EML5: variants seen among roughly 807,000 people sequenced by gnomAD.
EML5 encodes the protein EMAP like 5.
EML5 carries 120 observed loss-of-function variants against 250.0 expected under a neutral mutation model. That is an observed-to-expected ratio of 0.48 (90% confidence interval 0.41 to 0.56). The LOEUF is 0.56. EML5 is among the 20% of genes least tolerant of loss of function. EML5 has a pLI of 0.00. For missense variants in EML5, 2,006 were observed against 2,437.6 expected (o/e 0.82, Z 3.73); for synonymous variants, 771 against 806.5 (o/e 0.96, Z 0.75).
intron 25 of EML5, among the ~76,000 whole-genome samples, 157 bp from the exon 26 acceptor site, chr14:88,658,545 G>T (rs1345882925): frequency 6.6e-6 from 1 of 151,926 alleles, no homozygotes; most frequent in Non-Finnish European, 1.5e-5. Context: ...CAGAATAAAA[G>T]ATACCAATTC....
chr14:88,756,189 C>G (rs923067780), intron 1 of EML5, among the ~76,000 whole-genome samples: 1 of 151,964 alleles, frequency 6.6e-6, no homozygotes, highest in African/African-American at 2.4e-5. Context: ...AGTGGGAATA[C>G]CAGGCTGGTT....
At chr14:88,728,208 T>TC (rs1164129685) in intron 7 of EML5, among the ~76,000 whole-genome samples, 1 of 149,910 alleles carries the variant, frequency 6.7e-6, no homozygotes, top group African/African-American at 2.4e-5. Flanking sequence ...GACTTTTTTT[T>TC]TTTGTCATTA....
At chr14:88,618,153 C>A in intron 41 of EML5, 75 bp downstream of exon 41, 1 of 1,278,924 alleles carries the variant, frequency 7.8e-7, no homozygotes, top group South Asian at 1.2e-5. Context: ...TGGAATGGCT[C>A]TAACAGTTCA....
At chr14:88,767,563 A>G (rs571871849) in intron 1 of EML5, among the ~76,000 whole-genome samples, 1 of 152,232 alleles carries the variant, frequency 6.6e-6, no homozygotes, top group East Asian at 1.9e-4. Context: ...ATATTGTTAC[A>G]CTGTAAGAGT....
In EML5 at chr14:88,689,756, A is replaced by G. The variant is rs116168560; in HGVS notation, c.2540-1283T>C. ...CTCCAAACAAAAAGAGAGAGAGAGA[A>G]AGAAAGAAAAAAGAAATATACATGC... On this transcript the variant is annotated intron_variant, in intron 17 of 43. Coordinates refer to ENST00000554922, the MANE Select transcript of EML5 (RefSeq NM_183387.3). Among the ~76,000 whole-genome samples, 820 of 152,218 alleles carry G rather than the reference A, an allele frequency of 5.4e-3. 8 individuals carry two copies. Among genetic ancestry groups the G allele is most frequent in the African/African-American group, 0.019 (779 of 41,524 alleles).
chr14:88,726,695 A>G lies in EML5; in HGVS notation c.1050-17T>C, dbSNP rs745342891. On this transcript the variant is annotated splice_polypyrimidine_tract_variant and intron_variant, in intron 7 of 43. Transcript: ENST00000554922. ...CTCCATATCCTGTAAAATTTAATTT[A>G]AAAAATAAAAAAGGTTAGCTAATGC... is the stretch of plus-strand genomic sequence containing the variant. 3.3e-6 allele frequency: 5 copies of G among 1,508,972 alleles called. No individual in the cohort carries two copies. Among genetic ancestry groups the G allele is most frequent in the Admixed American group, 2.2e-5 (1 of 45,112 alleles). The allele number at this position is 1,508,972 out of a possible 1,614,324, so 93.5% of individuals were successfully genotyped here.
chr14:88,738,661 C>T (rs537027586), intron 6 of EML5, among the ~76,000 whole-genome samples: 11 of 152,242 alleles, frequency 7.2e-5, no homozygotes, highest in African/African-American at 2.4e-4. Context: ...AGATATTAGA[C>T]TTATGAAAGA....
At chr14:88,701,674 T>C (rs1291974931) in intron 14 of EML5, among the ~76,000 whole-genome samples, 1 of 152,160 alleles carries the variant, frequency 6.6e-6, no homozygotes, top group Non-Finnish European at 1.5e-5. Context: ...GTTGATCCCT[T>C]TTCCACATAT....
intron 29 of EML5, 44 bp from the exon 30 acceptor site, chr14:88,644,555 G>A (rs1246310882): frequency 6.4e-7 from 1 of 1,565,630 alleles, no homozygotes; most frequent in East Asian, 2.2e-5. Flanking sequence ...GCAGCACTCA[G>A]TGCCTTCACT....
chr14:88,663,440 T>C (rs1331887407), intron 23 of EML5, among the ~76,000 whole-genome samples: 1 of 152,290 alleles, frequency 6.6e-6, no homozygotes, highest in East Asian at 1.9e-4. Context: ...AAAAACTTTA[T>C]GATGCTCAAT....
chr14:88,697,608 C>G (rs193002159), intron 14 of EML5, among the ~76,000 whole-genome samples: 83 of 152,176 alleles, frequency 5.5e-4, no homozygotes, highest in African/African-American at 2.0e-3. Flanking sequence ...TTAATTATTC[C>G]TCTAGACTCA....
chr14:88,736,161 C>G (rs1334259776), intron 7 of EML5, among the ~76,000 whole-genome samples: 1 of 151,946 alleles, frequency 6.6e-6, no homozygotes, highest in East Asian at 1.9e-4. Context: ...CCACCATGCC[C>G]AGCTAATTTT....
chr14:88,779,395 T>A (rs932047390), intron 1 of EML5, among the ~76,000 whole-genome samples: 1 of 152,230 alleles, frequency 6.6e-6, no homozygotes, highest in Non-Finnish European at 1.5e-5. Context: ...ATGAGACCTA[T>A]GGCTAATTAC....
chr14:88,740,384 T>C lies in EML5; in HGVS notation c.711+3A>G. On this transcript the variant is annotated splice_donor_region_variant and intron_variant, in intron 5 of 43. Transcript: ENST00000554922. ...AGTGTTTAAAATACTTAAATGTACT[T>C]ACAGCATGGGCTCCTTGTATTGTTC... 6.2e-7 allele frequency: 1 copy of C among 1,604,592 alleles called. No homozygotes were observed. The highest frequency in any genetic ancestry group is 2.2e-5 in the East Asian group (1 of 44,820).
chr14:88,744,269 G>T (rs1300377174), intron 3 of EML5, among the ~76,000 whole-genome samples, 178 bp from the exon 4 acceptor site: 1 of 151,850 alleles, frequency 6.6e-6, no homozygotes, highest in East Asian at 1.9e-4. Flanking sequence ...AAAATGATAA[G>T]AAATAAAAAG....
intron 33 of EML5, among the ~76,000 whole-genome samples, chr14:88,628,625 G>T (rs1386405727): frequency 6.6e-6 from 1 of 151,956 alleles, no homozygotes; most frequent in Non-Finnish European, 1.5e-5. Context: ...ATACTAAAGT[G>T]CATTTGCTTC....
At chr14:88,714,779 ATATAT>A (rs1472371323) in intron 9 of EML5, among the ~76,000 whole-genome samples, 155 bp downstream of exon 9, 1 of 152,160 alleles carries the variant, frequency 6.6e-6, no homozygotes, top group Non-Finnish European at 1.5e-5. Context: ...GAATACAATA[ATATAT>A]TGTATTATAT....
chr14:88,740,565 C>T lies in EML5; in HGVS notation c.533G>A (p.Ser178Asn). 6.2e-7 allele frequency: 1 copy of T among 1,605,830 alleles called. No individual in the cohort carries two copies. Among genetic ancestry groups the T allele is most frequent in the African/African-American group, 1.3e-5 (1 of 74,622 alleles). ...SCGVKHIKFW[S>N]LCGNALTPKR... ...TGGGGTCAGAGCATTTCCACATAAA[C>T]TCCAGAACTAAAAGGTATATAGTAT... The change falls in exon 5 of 44, where the codon AGT becomes AAT. Residue 178 changes from serine (S) to asparagine (N), a missense_variant. Ser to Asn is a conservative substitution (Grantham distance 46). Around this residue, in one of 7 missense-constraint regions of EML5, gnomAD observed 1,375 missense variants for 1,590.3 expected, o/e 0.86. Transcript: ENST00000554922.
At position 88,713,971 on chromosome 14, in the gene EML5, G is replaced by A. The variant is rs190802677; in HGVS notation, c.1444+968C>T. 5.9e-4 allele frequency among the ~76,000 whole-genome samples: 89 copies of A among 151,032 alleles called. 1 individual carries two copies. The East Asian group carries it at 0.015, about 26-fold the overall frequency. On this transcript the variant is annotated intron_variant, in intron 9 of 43. Transcript: ENST00000554922. ...TCCCATCCCGACCTCCCGAATAGCT[G>A]GGACCACAGGTGCATACCACCATGC...
Sources: allele counts gnomAD v4.1 joint callset (sites outside exome capture counted in the v4.1 genomes callset), GRCh38; gene constraint gnomAD v4.1.1; regional missense constraint gnomAD v4.1.1; transcripts MANE v1.5; gene names NCBI Gene and HGNC (gene_info 2026-07-23, HGNC 2026-07-21).